Variants in DPYS observed in about 807,000 individuals in gnomAD.
DPYS encodes the protein dihydropyrimidine amidohydrolase.
In DPYS, 39 loss-of-function variants were observed where a neutral mutation model predicts 50.3. The observed-to-expected ratio is 0.78, with a 90% confidence interval of 0.60 to 1.01. The LOEUF (loss-of-function observed/expected upper bound fraction) is 1.01. DPYS is among the 50% of genes least tolerant of loss of function. The pLI is 0.00. For missense variants in DPYS, 659 were observed against 680.9 expected (o/e 0.97, Z 0.36); for synonymous variants, 245 against 250.7 (o/e 0.98, Z 0.22).
chr8:104,386,817 G>A (rs565170116), intron 8 of DPYS, among the ~76,000 whole-genome samples: 3 of 151,946 alleles, frequency 2.0e-5, no homozygotes, highest in Admixed American at 2.0e-4. Context: ...TAGTAGAAAG[G>A]GGGTTTCACC....
chr8:104,452,906 T>C (rs1328432945), intron 1 of DPYS, among the ~76,000 whole-genome samples: 2 of 152,218 alleles, frequency 1.3e-5, no homozygotes, highest in South Asian at 2.1e-4. Context: ...AAGTGCTTTA[T>C]GGGTTGAGCA....
rs769972988 is a variant in DPYS, at chr8:104,392,976, T to G, written c.1251A>C (p.Lys417Asn). 1.9e-6 allele frequency: 3 copies of G among 1,614,002 alleles called. No individual in the cohort carries two copies. The highest frequency in any genetic ancestry group is 1.1e-5 in the South Asian group (1 of 91,080). Residue 417 changes from lysine to asparagine, a missense_variant, in exon 8 of 10, where the codon AAA becomes AAC. By Grantham distance (94) the Lys-to-Asn change is moderately conservative. Transcript: ENST00000351513. ...TGAAGTTAACAGCCTGATGATGAGTTTTTGCTGAGATAGTCCTATATTTGT... is the reference window on the plus strand; with the variant it reads ...TGAAGTTAACAGCCTGATGATGAGTGTTTGCTGAGATAGTCCTATATTTGT... ...DPKGTRTISA[K>N]THHQAVNFNI...
At chr8:104,420,124 T>C (rs1812494738) in intron 7 of DPYS, 2 of 152,218 alleles carry the variant, frequency 1.3e-5, no homozygotes, top group Non-Finnish European at 2.9e-5. Context: ...GTGGGTTTTC[T>C]GGATTCAGTA....
chr8:104,384,376 G>A (rs1023027249), intron 8 of DPYS, among the ~76,000 whole-genome samples: 2 of 152,176 alleles, frequency 1.3e-5, no homozygotes, highest in African/African-American at 4.8e-5. Context: ...TTCTGGCATT[G>A]TTCTCTGGGC....
At position 104,429,666 on chromosome 8, in the gene DPYS, G is replaced by T. The variant is rs1812883640; in HGVS notation, c.829C>A (p.Leu277Ile). 6 of 1,614,144 alleles carry T rather than the reference G, an allele frequency of 3.7e-6. No individual in the cohort carries two copies. The highest frequency in any genetic ancestry group is 5.1e-6 in the Non-Finnish European group (6 of 1,180,016). The change falls in exon 5 of 10, where the codon CTT becomes ATT. Residue 277 changes from leucine (L) to isoleucine (I), a missense_variant. Physicochemically the swap from Leu to Ile is conservative, Grantham distance 5. Transcript: ENST00000351513. ...CAGTAGTGAGTGCCATCTGTGCCAA[G>T]ACTGGCTGCTATGGGTTCACCATAG... ...VVYGEPIAAS[L>I]GTDGTHYWNK...
chr8:104,444,863 C>T (rs936707624), intron 3 of DPYS, among the ~76,000 whole-genome samples: 1 of 152,114 alleles, frequency 6.6e-6, no homozygotes, highest in East Asian at 1.9e-4. Flanking sequence ...AACTACCCAT[C>T]TGACAGGGGA....
At chr8:104,459,641 TTTTG>T (rs1033807220) in intron 1 of DPYS, among the ~76,000 whole-genome samples, 10 of 152,200 alleles carry the variant, frequency 6.6e-5, no homozygotes, top group African/African-American at 9.6e-5. Flanking sequence ...ATAGGTGTTT[TTTTG>T]TTTGTTTGTT....
chr8:104,402,134 A>G (rs548518363), intron 7 of DPYS, among the ~76,000 whole-genome samples: 5 of 152,336 alleles, frequency 3.3e-5, no homozygotes, highest in Admixed American at 3.3e-4. Context: ...ATGGTGAGAT[A>G]AATTGGATTT....
At chr8:104,443,610 G>C (rs1411949909) in intron 4 of DPYS, among the ~76,000 whole-genome samples, 1 of 152,090 alleles carries the variant, frequency 6.6e-6, no homozygotes, top group Non-Finnish European at 1.5e-5. Flanking sequence ...TAACGAAAGA[G>C]GGCTAGGCAT....
At chr8:104,399,283 T>C (rs1588408529) in intron 7 of DPYS, among the ~76,000 whole-genome samples, 1 of 84,256 alleles carries the variant, frequency 1.2e-5, no homozygotes, top group African/African-American at 4.8e-5. Flanking sequence ...AGAGTGAGAC[T>C]CCATCTCAAA....
chr8:104,429,323 A>G, intron 5 of DPYS: 2 of 577,506 alleles, frequency 3.5e-6, no homozygotes, highest in South Asian at 4.3e-5. Context: ...TTTCAGTGAA[A>G]ACGATCTGAT....
chr8:104,419,280 T>C (rs1413411689), intron 7 of DPYS, among the ~76,000 whole-genome samples: 1 of 152,236 alleles, frequency 6.6e-6, no homozygotes, highest in African/African-American at 2.4e-5. Flanking sequence ...TTTTCCTTTA[T>C]GCTGTTTCTT....
rs148723761 is a variant in DPYS, at chr8:104,416,316, T to G, written c.1235+7931A>C. On this transcript the variant is annotated intron_variant, in intron 7 of 9. Coordinates refer to ENST00000351513, the MANE Select transcript of DPYS (RefSeq NM_001385.3). Reference sequence around the variant, plus strand: ...ACCTGTATCTATATCTAGCTACCTATCTATCCACATATATCTGTGGTAACT... The same window carrying G: ...ACCTGTATCTATATCTAGCTACCTAGCTATCCACATATATCTGTGGTAACT... Among the ~76,000 whole-genome samples the G allele has an allele frequency of 4.5e-4, 69 of 152,284 alleles. 1 individual carries two copies. The highest frequency in any genetic ancestry group is 1.6e-3 in the African/African-American group (68 of 41,552).
At chr8:104,419,763 G>A (rs1275462619) in intron 7 of DPYS, 1 of 152,182 alleles carries the variant, frequency 6.6e-6, no homozygotes, top group Non-Finnish European at 1.5e-5. Flanking sequence ...CAGAGTCAGA[G>A]AAATTGTCAC....
intron 7 of DPYS, among the ~76,000 whole-genome samples, chr8:104,402,601 G>T (rs1267048569): frequency 6.6e-6 from 1 of 152,190 alleles, no homozygotes; most frequent in Non-Finnish European, 1.5e-5. Flanking sequence ...AGCTGACATT[G>T]CTTGACAGAC....
intron 7 of DPYS, among the ~76,000 whole-genome samples, chr8:104,414,164 C>T (rs528177518): frequency 4.7e-4 from 72 of 152,224 alleles, no homozygotes; most frequent in African/African-American, 1.7e-3. Flanking sequence ...TTACAGGCAT[C>T]CCAGAAAGAA....
intron 4 of DPYS, among the ~76,000 whole-genome samples, chr8:104,432,938 A>T (rs1317909141): frequency 6.6e-6 from 1 of 152,228 alleles, no homozygotes; most frequent in East Asian, 1.9e-4. Context: ...ATGTAACTGT[A>T]TTTGGAAAAA....
At chr8:104,393,588 G>A (rs561127926) in intron 7 of DPYS, among the ~76,000 whole-genome samples, 7 of 152,268 alleles carry the variant, frequency 4.6e-5, no homozygotes, top group East Asian at 3.9e-4. Flanking sequence ...AATAAAATAC[G>A]TTGGAATATA....
intron 8 of DPYS, among the ~76,000 whole-genome samples, chr8:104,387,240 G>A (rs939769260): frequency 1.3e-5 from 2 of 152,178 alleles, no homozygotes; most frequent in East Asian, 1.9e-4. Flanking sequence ...CTATAACAAT[G>A]AAGATTGGCA....
Sources: gnomAD v4.1 joint callset for allele counts (sites outside exome capture counted in the v4.1 genomes callset) on GRCh38, gnomAD v4.1.1 for gene constraint, MANE v1.5 for transcripts, NCBI Gene and HGNC (gene_info 2026-07-23, HGNC 2026-07-21) for gene names.